UNC5C: variants seen among roughly 807,000 people sequenced by gnomAD.
UNC5C encodes netrin receptor UNC5C.
A neutral mutation model predicts 99.8 loss-of-function variants in UNC5C; 47 were observed. The observed-to-expected ratio is 0.47, with a 90% CI of 0.37 to 0.60. The LOEUF is 0.60. Ranked by LOEUF, UNC5C falls within the 20% of genes least tolerant of loss-of-function variation. UNC5C has a pLI of 0.00. For missense variants in UNC5C, 1,062 were observed against 1,165.9 expected (o/e 0.91, Z 1.30); for synonymous variants, 487 against 452.2 (o/e 1.08, Z -0.98).
intron 3 of UNC5C, among the ~76,000 whole-genome samples, chr4:95,292,523 GA>G (rs914711241): frequency 1.1e-4 from 17 of 151,942 alleles, no homozygotes; most frequent in Non-Finnish European, 5.9e-5. Flanking sequence ...ATTAATCAGT[GA>G]AAAAACCAAA....
At chr4:95,430,927 C>T (rs1343542240) in intron 1 of UNC5C, among the ~76,000 whole-genome samples, 2 of 152,040 alleles carry the variant, frequency 1.3e-5, no homozygotes, top group African/African-American at 4.8e-5. Context: ...GAGGAATTCA[C>T]AGTCTGACCT....
At chr4:95,251,676 A>C (rs1034013897) in intron 4 of UNC5C, among the ~76,000 whole-genome samples, 1 of 152,212 alleles carries the variant, frequency 6.6e-6, no homozygotes. Flanking sequence ...GAATGTGGAT[A>C]CAGGTAACCT....
At chr4:95,408,201 C>A (rs1579389814) in intron 1 of UNC5C, among the ~76,000 whole-genome samples, 1 of 152,186 alleles carries the variant, frequency 6.6e-6, no homozygotes, top group South Asian at 2.1e-4. Context: ...ATGCAGCAAG[C>A]ATATTTCATT....
intron 1 of UNC5C, among the ~76,000 whole-genome samples, chr4:95,369,465 T>C (rs1003843058): frequency 6.6e-6 from 1 of 151,880 alleles, no homozygotes; most frequent in Non-Finnish European, 1.5e-5. Context: ...GGTGGGAGGA[T>C]GGCTTGAGCC....
chr4:95,479,813 C>G (rs985898894), intron 1 of UNC5C, among the ~76,000 whole-genome samples: 1 of 151,876 alleles, frequency 6.6e-6, no homozygotes, highest in Non-Finnish European at 1.5e-5. Flanking sequence ...AATGTTATTA[C>G]TGACATATCT....
Position 95,202,731 on chromosome 4 carries a change from C to G in UNC5C, c.2136G>C (p.Lys712Asn). The change falls in exon 12 of 16, where the codon AAG (lysine) becomes AAC (asparagine). Residue 712 changes from lysine to asparagine, a missense_variant and splice_region_variant. By Grantham distance (94) the Lys-to-Asn change is moderately conservative. Coordinates refer to ENST00000453304, the MANE Select transcript of UNC5C (RefSeq NM_003728.4). ...YCLDDTQDAL[K>N]EILHLERQMG... is the part of the protein sequence containing the mutation. ...GGCAGGCTAGGTGGGAGGCACTTAC[C>G]TTCAGGGCATCCTGGGTGTCATCCA... is the stretch of plus-strand genomic sequence containing the variant. 6.2e-7 allele frequency: 1 copy of G among 1,613,838 alleles called. No homozygotes were observed. Among genetic ancestry groups the G allele is most frequent in the Non-Finnish European group, 8.5e-7 (1 of 1,179,824 alleles).
chr4:95,227,005 G>A (rs1184517583), intron 7 of UNC5C, among the ~76,000 whole-genome samples: 1 of 152,124 alleles, frequency 6.6e-6, no homozygotes, highest in Non-Finnish European at 1.5e-5. Flanking sequence ...GAGAAGGCAA[G>A]AACAGGCATG....
intron 4 of UNC5C, among the ~76,000 whole-genome samples, chr4:95,271,196 C>A (rs1485282194): frequency 6.6e-6 from 1 of 152,096 alleles, no homozygotes; most frequent in Non-Finnish European, 1.5e-5. Flanking sequence ...GAGATAGAGA[C>A]CGTGCTCGAA....
At chr4:95,169,608 G>A (rs1736006135) in intron 15 of UNC5C, among the ~76,000 whole-genome samples, 1 of 152,184 alleles carries the variant, frequency 6.6e-6, no homozygotes, top group African/African-American at 2.4e-5. Flanking sequence ...TCAGCTCTGA[G>A]TGAGATAATT....
intron 1 of UNC5C, among the ~76,000 whole-genome samples, chr4:95,361,927 C>T (rs904512314): frequency 6.6e-5 from 10 of 151,616 alleles, no homozygotes; most frequent in Non-Finnish European, 1.2e-4. Flanking sequence ...CACCATGCTA[C>T]GTGACGTATA....
intron 1 of UNC5C, among the ~76,000 whole-genome samples, chr4:95,457,949 T>C (rs1384042086): frequency 6.6e-6 from 1 of 152,266 alleles, no homozygotes; most frequent in South Asian, 2.1e-4. Flanking sequence ...TAACCCATTC[T>C]GTTCTATAGA....
At chr4:95,186,410 G>A (rs988602475) in intron 12 of UNC5C, among the ~76,000 whole-genome samples, 3 of 152,270 alleles carry the variant, frequency 2.0e-5, no homozygotes, top group Non-Finnish European at 4.4e-5. Context: ...GAACCAGATT[G>A]CCTCATATTC....
chr4:95,519,056 T>C (rs1722284000), intron 1 of UNC5C, among the ~76,000 whole-genome samples: 1 of 152,202 alleles, frequency 6.6e-6, no homozygotes, highest in Admixed American at 6.5e-5. Context: ...TAGTGTTCCA[T>C]GGACCATACT....
chr4:95,203,610 C>G (rs1237397610), intron 11 of UNC5C, among the ~76,000 whole-genome samples: 1 of 152,088 alleles, frequency 6.6e-6, no homozygotes, highest in Non-Finnish European at 1.5e-5. Context: ...GCTGGGACCA[C>G]AGGTGTGTGC....
intron 1 of UNC5C, among the ~76,000 whole-genome samples, chr4:95,356,409 T>G (rs538474051): frequency 6.6e-6 from 1 of 152,216 alleles, no homozygotes; most frequent in African/African-American, 2.4e-5. Flanking sequence ...ATTTGTTTAT[T>G]TTCAAGTACT....
chr4:95,427,557 A>G (rs1345031655), intron 1 of UNC5C, among the ~76,000 whole-genome samples: 1 of 152,164 alleles, frequency 6.6e-6, no homozygotes, highest in Non-Finnish European at 1.5e-5. Flanking sequence ...TCAAGGCAAG[A>G]CCCTCAACAA....
chr4:95,175,405 T>C (rs1425748864), intron 14 of UNC5C, among the ~76,000 whole-genome samples: 2 of 151,732 alleles, frequency 1.3e-5, no homozygotes, highest in Non-Finnish European at 1.5e-5. Flanking sequence ...CCATGTTTAG[T>C]GCTTCCTTCA....
At chr4:95,498,494 A>ATC (rs1300602474) in intron 1 of UNC5C, among the ~76,000 whole-genome samples, 3 of 152,056 alleles carry the variant, frequency 2.0e-5, no homozygotes, top group African/African-American at 7.2e-5. Flanking sequence ...ACTGAATGAG[A>ATC]TACTCCTTAC....
chr4:95,520,667 C>T (rs1216294433), intron 1 of UNC5C, among the ~76,000 whole-genome samples: 1 of 149,250 alleles, frequency 6.7e-6, no homozygotes, highest in Non-Finnish European at 1.5e-5. Context: ...GGTGCCCTCT[C>T]GGCTCACTGC....
Sources: gnomAD v4.1 joint callset for allele counts (sites outside exome capture counted in the v4.1 genomes callset) on GRCh38, gnomAD v4.1.1 for gene constraint, MANE v1.5 for transcripts, NCBI Gene and HGNC (gene_info 2026-07-23, HGNC 2026-07-21) for gene names.